Variants in MPV17L2 observed in about 807,000 individuals in gnomAD.
MPV17L2 encodes MPV17 mitochondrial inner membrane protein like 2.
MPV17L2 carries 25 observed loss-of-function variants against 24.2 expected under a neutral mutation model. The observed-to-expected ratio is 1.03, with a 90% CI of 0.75 to 1.44. The LOEUF is 1.44. Among genes scored for constraint, MPV17L2 ranks in the 40% most tolerant of loss-of-function variants. The probability of loss-of-function intolerance (pLI) is 0.00; values close to 1 mark genes in which losing one functional copy is unlikely to be tolerated. For synonymous variants in MPV17L2, 130 were observed against 121.4 expected (o/e 1.07, Z -0.46); for missense variants, 271 against 276.2 (o/e 0.98, Z 0.13).
At chr19:18,195,446 G>A (rs771418772) in intron 4 of MPV17L2, among the ~76,000 whole-genome samples, 1 of 152,070 alleles carries the variant, frequency 6.6e-6, no homozygotes, top group Non-Finnish European at 1.5e-5. Context: ...TGAGGCAGGA[G>A]AATTGCTTGA....
Position 18,195,038 on chromosome 19 carries a change from C to T in MPV17L2, c.516C>T (p.Asn172=). ...CCCAATTTCGAGTCACCTACATCAA[C>T]GGCCTGACGCTGGGCTGGGACACGT... ...VPPQFRVTYI[N]GLTLGWDTYL... The change falls in exon 4 of 5, where the codon AAC becomes AAT. Residue 172 remains asparagine (N), a synonymous_variant. Coordinates refer to ENST00000599612, the MANE Select transcript of MPV17L2 (RefSeq NM_032683.3). 3 of 1,614,172 alleles carry T rather than the reference C, an allele frequency of 1.9e-6. No individual in the cohort carries two copies. Among genetic ancestry groups the T allele is most frequent in the Non-Finnish European group, 2.5e-6 (3 of 1,180,012 alleles).
intron 1 of MPV17L2, 25 bp downstream of exon 1, chr19:18,193,493 C>T (rs1448810002): frequency 2.0e-6 from 3 of 1,466,170 alleles, no homozygotes; most frequent in Middle Eastern, 2.0e-4. Context: ...CTGCTTAGTC[C>T]TTCACCCCGG....
At position 18,195,986 on chromosome 19, in the gene MPV17L2, C is replaced by G; in HGVS notation, c.565-13C>G. 1 of 1,597,320 alleles carries G rather than the reference C, an allele frequency of 6.3e-7. No homozygotes were observed. Among genetic ancestry groups the G allele is most frequent in the South Asian group, 1.1e-5 (1 of 88,906 alleles). ...CCAGGCTTCTGACCAGATGCCTTGT[C>G]TTGTGTGGACAGAGCCCAGTTCCTC... On this transcript the variant is annotated splice_polypyrimidine_tract_variant and intron_variant, in intron 4 of 4. Transcript: ENST00000599612.
chr19:18,193,897 C>T lies in MPV17L2; in HGVS notation c.221C>T (p.Pro74Leu). The change falls in exon 2 of 5, where the codon CCC becomes CTC. Residue 74 changes from proline to leucine, a missense_variant. By Grantham distance (98) the Pro-to-Leu change is moderately conservative. Coordinates refer to ENST00000599612, the MANE Select transcript of MPV17L2 (RefSeq NM_032683.3). ...SMFAVGCSMG[P>L]FLHYWYLSLD... is the part of the protein sequence containing the mutation. ...TTTGCGGTGGGCTGCAGCATGGGTC[C>T]CTTCCTGCACTACTGGTACTTGTCG... 1.9e-6 allele frequency: 3 copies of T among 1,614,156 alleles called. No individual in the cohort carries two copies. The highest frequency in any genetic ancestry group is 2.5e-6 in the Non-Finnish European group (3 of 1,180,024).
Position 18,195,097 on chromosome 19 carries a change from A to C in MPV17L2, c.564+11A>C. The C allele has an allele frequency of 1.2e-6, 2 of 1,612,312 alleles. No individual in the cohort carries two copies. The highest frequency in any genetic ancestry group is 1.7e-6 in the Non-Finnish European group (2 of 1,178,870). On this transcript the variant is annotated intron_variant, in intron 4 of 4. Coordinates refer to ENST00000599612, the MANE Select transcript of MPV17L2 (RefSeq NM_032683.3). ...TACTTGAAGTACCGGGTGAGTGTGGAGGGCATACCAGGCACCCAGGGGACT... is the reference window on the plus strand; with the variant it reads ...TACTTGAAGTACCGGGTGAGTGTGGCGGGCATACCAGGCACCCAGGGGACT...
rs1031530877 is a variant in MPV17L2 at position 18,194,643 on chromosome 19, C to T, written c.359-134C>T. The T allele has an allele frequency of 8.6e-6, 6 of 697,208 alleles. No individual in the cohort carries two copies. In the African/African-American group the frequency reaches 9.0e-5, roughly 10 times the overall value. The allele number at this position is 697,208 out of a possible 1,614,324, so 43.2% of individuals were successfully genotyped here. A position where few individuals can be genotyped will look rare whatever the true frequency, so the allele number is the denominator to read the frequency against. On this transcript the variant is annotated intron_variant, in intron 2 of 4. Coordinates refer to ENST00000599612, the MANE Select transcript of MPV17L2 (RefSeq NM_032683.3). ...TCTCTGTCCATCCCATCTGAAAGTC[C>T]CTGTCCCTCTGCCCGGGGTGGGCGG...
chr19:18,195,872 T>C, intron 4 of MPV17L2, 127 bp from the exon 5 acceptor site: 2 of 844,770 alleles, frequency 2.4e-6, no homozygotes, highest in East Asian at 5.0e-5. Flanking sequence ...CTCTGCTGTC[T>C]GATGTGACCT....
chr19:18,195,292 T>A (rs1395214012), intron 4 of MPV17L2, among the ~76,000 whole-genome samples: 1 of 152,144 alleles, frequency 6.6e-6, no homozygotes, highest in Non-Finnish European at 1.5e-5. Context: ...ATGCCTGTAA[T>A]CCCAGCACTT....
rs1247895261 is a variant in MPV17L2 at position 18,196,477 on chromosome 19, C to T, written c.*422C>T. On this transcript the variant is annotated 3_prime_UTR_variant, in exon 5 of 5. Transcript: ENST00000599612. ...TGATCCCCTCAGAGCAGGCTCAGGC[C>T]TGGAGTCGGCCCCCAAAAGTTTCAC... 3.1e-6 allele frequency: 4 copies of T among 1,279,698 alleles called. No individual in the cohort carries two copies. Among genetic ancestry groups the T allele is most frequent in the Non-Finnish European group, 4.1e-6 (4 of 981,632 alleles). The allele number at this position is 1,279,698 out of a possible 1,614,324, so 79.3% of individuals were successfully genotyped here.
chr19:18,194,291 A>G (rs906054129), intron 2 of MPV17L2: 6 of 524,684 alleles, frequency 1.1e-5, no homozygotes, highest in Non-Finnish European at 2.1e-5. Flanking sequence ...GAAGGGGACC[A>G]CACTCAGTTG....
Position 18,196,159 on chromosome 19 carries a change from T to TC in MPV17L2, c.*107dup, listed in dbSNP as rs1967515852. ...CAGCAAGCTCGGGTCTTGAGCCACG[T>TC]CCCAGCACCACTTCAGCTCCGGAGC... On this transcript the variant is annotated 3_prime_UTR_variant, in exon 5 of 5. Coordinates refer to ENST00000599612, the MANE Select transcript of MPV17L2 (RefSeq NM_032683.3). The TC allele has an allele frequency of 1.3e-6, 2 of 1,589,320 alleles. No individual in the cohort carries two copies. The highest frequency in any genetic ancestry group is 1.7e-6 in the Non-Finnish European group (2 of 1,170,628).
At chr19:18,195,237 C>A (rs1967492187) in intron 4 of MPV17L2, 151 bp downstream of exon 4, 4 of 1,329,694 alleles carry the variant, frequency 3.0e-6, no homozygotes, top group Non-Finnish European at 4.0e-6. Context: ...GCGGAGAGCT[C>A]CTCACTAGCA....
At chr19:18,195,497 C>A (rs574068861) in intron 4 of MPV17L2, among the ~76,000 whole-genome samples, 16 of 151,388 alleles carry the variant, frequency 1.1e-4, no homozygotes, top group African/African-American at 3.9e-4. Flanking sequence ...GATCATGCCA[C>A]TGCACTCCAG....
chr19:18,195,649 T>C (rs1256605350), intron 4 of MPV17L2, among the ~76,000 whole-genome samples: 2 of 151,164 alleles, frequency 1.3e-5, no homozygotes, highest in Non-Finnish European at 2.9e-5. Flanking sequence ...CTGGCTAACA[T>C]GGTGAAACCC....
At position 18,195,056 on chromosome 19, in the gene MPV17L2, G is replaced by C. The variant is rs1967487963; in HGVS notation, c.534G>C (p.Trp178Cys). Residue 178 changes from tryptophan (W) to cysteine (C), a missense_variant, in exon 4 of 5, where the codon TGG (tryptophan) becomes TGC (cysteine). Transcript: ENST00000599612. ...ACATCAACGGCCTGACGCTGGGCTGGGACACGTACCTGTCCTACTTGAAGT... is the reference window on the plus strand; with the variant it reads ...ACATCAACGGCCTGACGCTGGGCTGCGACACGTACCTGTCCTACTTGAAGT... ...VTYINGLTLGWDTYLSYLKYR... is the reference protein window; with the variant it reads ...VTYINGLTLGCDTYLSYLKYR... 6.2e-7 allele frequency: 1 copy of C among 1,614,060 alleles called. No individual in the cohort carries two copies. Among genetic ancestry groups the C allele is most frequent in the Admixed American group, 1.7e-5 (1 of 60,008 alleles).
Position 18,196,155 on chromosome 19 carries a change from C to T in MPV17L2, c.*100C>T, listed in dbSNP as rs554299464. 1.0e-5 allele frequency: 16 copies of T among 1,589,880 alleles called. No homozygotes were observed. Among genetic ancestry groups the T allele is most frequent in the Middle Eastern group, 1.7e-4 (1 of 6,052 alleles). ...CCTGCAGCAAGCTCGGGTCTTGAGCCACGTCCCAGCACCACTTCAGCTCCG... is the reference window on the plus strand; with the variant it reads ...CCTGCAGCAAGCTCGGGTCTTGAGCTACGTCCCAGCACCACTTCAGCTCCG... On this transcript the variant is annotated 3_prime_UTR_variant, in exon 5 of 5. Transcript: ENST00000599612.
In MPV17L2 at chr19:18,196,436, A is replaced by G. The variant is rs1396013839; in HGVS notation, c.*381A>G. The G allele has an allele frequency of 7.7e-7, 1 of 1,303,160 alleles. No homozygotes were observed. Among genetic ancestry groups the G allele is most frequent in the Non-Finnish European group, 1.0e-6 (1 of 997,860 alleles). The allele number at this position is 1,303,160 out of a possible 1,614,324, so 80.7% of individuals were successfully genotyped here. On this transcript the variant is annotated 3_prime_UTR_variant, in exon 5 of 5. Coordinates refer to ENST00000599612, the MANE Select transcript of MPV17L2 (RefSeq NM_032683.3). ...CAGAGCTCCCTCAGGTCCTGGGACTAAGGCGGGGACATGACTGATCCCCTC... is the reference window on the plus strand; with the variant it reads ...CAGAGCTCCCTCAGGTCCTGGGACTGAGGCGGGGACATGACTGATCCCCTC...
rs533417217 is a variant in MPV17L2, at chr19:18,194,951, C to G, written c.436-7C>G. 6.2e-7 allele frequency: 1 copy of G among 1,611,840 alleles called. No homozygotes were observed. The highest frequency in any genetic ancestry group is 8.5e-7 in the Non-Finnish European group (1 of 1,178,592). ...CCCCGCCCCTCATCCCCCGCCTCTC[C>G]CCGCAGGCAGACTGGTGCGTGTGGC... On this transcript the variant is annotated splice_region_variant and splice_polypyrimidine_tract_variant and intron_variant, in intron 3 of 4. Transcript: ENST00000599612.
chr19:18,195,791 C>G (rs764536947), intron 4 of MPV17L2, among the ~76,000 whole-genome samples: 2 of 152,202 alleles, frequency 1.3e-5, no homozygotes, highest in African/African-American at 4.8e-5. Context: ...GAGCCGAGAT[C>G]GCGCCACTGC....
Sources: gnomAD v4.1 joint callset for allele counts (sites outside exome capture counted in the v4.1 genomes callset) on GRCh38, gnomAD v4.1.1 for gene constraint, MANE v1.5 for transcripts, NCBI Gene and HGNC (gene_info 2026-07-23, HGNC 2026-07-21) for gene names.